TSPAN13: variants seen among roughly 807,000 people sequenced by gnomAD.
TSPAN13 encodes tetraspanin 13, also known as tetraspanin-13.
Under a neutral mutation model 26.9 loss-of-function variants are expected in TSPAN13, and 18 were observed. The observed-to-expected ratio is 0.67, with a 90% CI of 0.46 to 0.99. TSPAN13 has a LOEUF of 0.99. TSPAN13 is among the 50% of genes least tolerant of loss of function. The pLI is 0.00. For missense variants in TSPAN13, 201 were observed against 249.6 expected, an observed-to-expected ratio of 0.81 and a Z score of 1.31; for synonymous variants, 116 against 98.4, an observed-to-expected ratio of 1.18 and a Z score of -1.06.
intron 1 of TSPAN13, among the ~76,000 whole-genome samples, chr7:16,771,928 C>T (rs6951449): frequency 0.29 from 44,297 of 151,930 alleles, 7,097 homozygotes; most frequent in Admixed American, 0.36. Context: ...TTTTTTGCCT[C>T]TATCTGCAGG....
intron 2 of TSPAN13, 114 bp from the exon 3 acceptor site, chr7:16,776,928 T>G: frequency 1.7e-6 from 1 of 600,148 alleles, no homozygotes; most frequent in South Asian, 2.7e-5. Context: ...TGCCATCTGT[T>G]CTGTATTCTG....
chr7:16,778,998 T>G lies in TSPAN13; in HGVS notation c.427-5T>G, dbSNP rs894011600. The G allele has an allele frequency of 6.2e-7, 1 of 1,600,826 alleles. No homozygotes were observed. Among genetic ancestry groups the G allele is most frequent in the Non-Finnish European group, 8.5e-7 (1 of 1,172,404 alleles). On this transcript the variant is annotated splice_polypyrimidine_tract_variant and splice_region_variant and intron_variant, in intron 4 of 5. Transcript: ENST00000262067. The stretch of plus-strand genomic sequence containing the variant: ...ATAAAGGTTTTTTTACTTTAATTGG[T>G]GCAGAGCTGTGTTAAAAGTGACCAC...
chr7:16,779,773 ATTC>A, intron 5 of TSPAN13, among the ~76,000 whole-genome samples: 1 of 139,358 alleles, frequency 7.2e-6, no homozygotes, highest in East Asian at 2.0e-4. Context: ...CAAGATTAAT[ATTC>A]TTTTTTTTTT....
intron 1 of TSPAN13, among the ~76,000 whole-genome samples, chr7:16,760,207 T>C (rs6962578): frequency 6.6e-6 from 1 of 151,926 alleles, no homozygotes; most frequent in Non-Finnish European, 1.5e-5. Flanking sequence ...AAAGGCTATA[T>C]GGCTTTTGAG....
Position 16,762,463 on chromosome 7 carries a change from C to T in TSPAN13, c.63+8433C>T, listed in dbSNP as rs548528150. ...CTAATGAATAACCTCGGGCGATAAT[C>T]CAGGCCCTTCCCATCTTGGGATTTG... On this transcript the variant is annotated intron_variant, in intron 1 of 5. Transcript: ENST00000262067. Among the ~76,000 whole-genome samples, 280 of 152,248 alleles carry T rather than the reference C, an allele frequency of 1.8e-3. 2 individuals carry two copies. The highest frequency in any genetic ancestry group is 3.4e-3 in the Middle Eastern group (1 of 294).
chr7:16,778,865 A>C, intron 4 of TSPAN13, 138 bp from the exon 5 acceptor site: 1 of 601,176 alleles, frequency 1.7e-6, no homozygotes, highest in Non-Finnish European at 2.9e-6. Context: ...GGGCTGTGTT[A>C]GAGATTTGCA....
At chr7:16,776,162 T>C (rs780505012) in intron 1 of TSPAN13, 49 bp from the exon 2 acceptor site, 1 of 1,576,644 alleles carries the variant, frequency 6.3e-7, no homozygotes, top group South Asian at 1.1e-5. Flanking sequence ...TTCCCCATTC[T>C]CTCTCCTCTC....
At chr7:16,757,337 T>C (rs1006589933) in intron 1 of TSPAN13, among the ~76,000 whole-genome samples, 1 of 152,208 alleles carries the variant, frequency 6.6e-6, no homozygotes, top group African/African-American at 2.4e-5. Context: ...GCTGAAAAGA[T>C]TTTGACAAGT....
intron 1 of TSPAN13, among the ~76,000 whole-genome samples, chr7:16,774,926 A>T (rs1784724693): frequency 6.6e-6 from 1 of 152,194 alleles, no homozygotes; most frequent in Admixed American, 6.5e-5. Flanking sequence ...TACATATGTA[A>T]GGTTTACTGT....
At position 16,776,388 on chromosome 7, in the gene TSPAN13, T is replaced by G. The variant is rs747066740; in HGVS notation, c.231+10T>G. ...GGTGTTGCTATTTTTTGTATCCTTTTTAAAAATCAAGATTTTACTCTTGAT... is the reference window on the plus strand; with the variant it reads ...GGTGTTGCTATTTTTTGTATCCTTTGTAAAAATCAAGATTTTACTCTTGAT... On this transcript the variant is annotated intron_variant, in intron 2 of 5. Coordinates refer to ENST00000262067, the MANE Select transcript of TSPAN13 (RefSeq NM_014399.4). 1 of 1,606,244 alleles carries G rather than the reference T, an allele frequency of 6.2e-7. No homozygotes were observed. Among genetic ancestry groups the G allele is most frequent in the Admixed American group, 1.7e-5 (1 of 59,000 alleles).
intron 1 of TSPAN13, among the ~76,000 whole-genome samples, chr7:16,758,971 C>T (rs1048447393): frequency 2.6e-5 from 4 of 152,054 alleles, no homozygotes; most frequent in Non-Finnish European, 1.5e-5. Flanking sequence ...TGAACAAAAT[C>T]CCAATGGCTT....
At chr7:16,762,213 TC>T (rs1411339142) in intron 1 of TSPAN13, among the ~76,000 whole-genome samples, 1 of 152,208 alleles carries the variant, frequency 6.6e-6, no homozygotes, top group East Asian at 1.9e-4. Flanking sequence ...TTTCTTCCCC[TC>T]CAAATATTGT....
chr7:16,755,906 A>G (rs1784476923), intron 1 of TSPAN13, among the ~76,000 whole-genome samples: 1 of 152,172 alleles, frequency 6.6e-6, no homozygotes, highest in Admixed American at 6.5e-5. Context: ...TTGACCTTCA[A>G]AGTGTGTGTT....
chr7:16,755,477 A>G (rs1233424347), intron 1 of TSPAN13, among the ~76,000 whole-genome samples: 1 of 151,584 alleles, frequency 6.6e-6, no homozygotes, highest in African/African-American at 2.4e-5. Context: ...ATTCATCTGT[A>G]TCACCCTGAG....
At chr7:16,765,715 A>C (rs935393668) in intron 1 of TSPAN13, among the ~76,000 whole-genome samples, 2 of 152,242 alleles carry the variant, frequency 1.3e-5, no homozygotes, top group African/African-American at 4.8e-5. Context: ...GCAATGAATT[A>C]ACAGACACAT....
At position 16,779,121 on chromosome 7, in the gene TSPAN13, G is replaced by T; in HGVS notation, c.540+5G>T. 1 of 1,600,398 alleles carries T rather than the reference G, an allele frequency of 6.2e-7. No individual in the cohort carries two copies. The highest frequency in any genetic ancestry group is 8.5e-7 in the Non-Finnish European group (1 of 1,170,996). ...CTGTTCTTCAGTTTTACAGAGGTAT[G>T]TGCAAATAACAATATTTTTCCTCCT... On this transcript the variant is annotated splice_donor_5th_base_variant and intron_variant, in intron 5 of 5. Coordinates refer to ENST00000262067, the MANE Select transcript of TSPAN13 (RefSeq NM_014399.4).
At chr7:16,767,492 TAACA>T (rs1184501912) in intron 1 of TSPAN13, among the ~76,000 whole-genome samples, 4 of 152,220 alleles carry the variant, frequency 2.6e-5, no homozygotes, top group Admixed American at 6.5e-5. Flanking sequence ...TTTTTTACTG[TAACA>T]AACAAGGTTG....
At chr7:16,768,978 G>T (rs893070800) in intron 1 of TSPAN13, among the ~76,000 whole-genome samples, 2 of 152,134 alleles carry the variant, frequency 1.3e-5, no homozygotes, top group African/African-American at 2.4e-5. Flanking sequence ...CTGGGTTCAA[G>T]CTATTTCTGG....
In TSPAN13 at chr7:16,753,989, T is replaced by C; in HGVS notation, c.22T>C (p.Cys8Arg). The C allele has an allele frequency of 6.2e-7, 1 of 1,613,728 alleles. No individual in the cohort carries two copies. The highest frequency in any genetic ancestry group is 8.5e-7 in the Non-Finnish European group (1 of 1,179,824). ...CAAGATGGTTTGCGGGGGCTTCGCGTGTTCCAAGAACTGCCTGTGCGCCCT... is the reference window on the plus strand; with the variant it reads ...CAAGATGGTTTGCGGGGGCTTCGCGCGTTCCAAGAACTGCCTGTGCGCCCT... MVCGGFA[C>R]SKNCLCALNL... Residue 8 changes from cysteine to arginine, a missense_variant, in exon 1 of 6, where the codon TGT becomes CGT. By Grantham distance (180) the Cys-to-Arg change is radical. Transcript: ENST00000262067.
Sources: gnomAD v4.1 joint callset for allele counts (sites outside exome capture counted in the v4.1 genomes callset) on GRCh38, gnomAD v4.1.1 for gene constraint, MANE v1.5 for transcripts, NCBI Gene and HGNC (gene_info 2026-07-23, HGNC 2026-07-21) for gene names.